PGS1: variants seen among roughly 807,000 people sequenced by gnomAD.
PGS1 encodes phosphatidylglycerophosphate synthase 1.
A neutral mutation model predicts 58.3 loss-of-function variants in PGS1; 44 were observed. The observed-to-expected ratio is 0.75, with a 90% CI of 0.59 to 0.97. The LOEUF (loss-of-function observed/expected upper bound fraction) is 0.97. Ranked by LOEUF, PGS1 falls within the 50% of genes least tolerant of loss-of-function variation. The pLI is 0.00. For missense variants in PGS1, 684 were observed against 731.1 expected, an observed-to-expected ratio of 0.94 and a Z score of 0.74; for synonymous variants, 330 against 311.0, an observed-to-expected ratio of 1.06 and a Z score of -0.64.
intron 9 of PGS1, among the ~76,000 whole-genome samples, chr17:78,423,377 G>C (rs2086120946): frequency 6.6e-6 from 1 of 152,160 alleles, no homozygotes. Flanking sequence ...ACTTGTAAAA[G>C]GTCCTGTTGT....
intron 9 of PGS1, chr17:78,420,269 A>C: frequency 2.1e-6 from 2 of 972,978 alleles, no homozygotes; most frequent in Non-Finnish European, 2.4e-6. Context: ...CTGCCCACCC[A>C]GGAGGGGCCT....
chr17:78,399,681 C>T, intron 5 of PGS1, 144 bp downstream of exon 5: 2 of 741,934 alleles, frequency 2.7e-6, no homozygotes, highest in Non-Finnish European at 4.4e-6. Flanking sequence ...CGGCACCTCC[C>T]CGACACTGTC....
rs372097158 is a variant in PGS1 at position 78,414,959 on chromosome 17, C to T, written c.1483C>T (p.His495Tyr). ...GSPNFGYRSV[H>Y]RDLEAQIAIV... ...TCCTAATTTTGGGTACAGGTCAGTT[C>T]ACCGGGACCTGGAGGCCCAGATTGC... Residue 495 changes from histidine (H) to tyrosine (Y), a missense_variant, in exon 8 of 10, where the codon CAC becomes TAC. His to Tyr is a moderately conservative substitution (Grantham distance 83). Transcript: ENST00000262764. The T allele has an allele frequency of 6.2e-7, 1 of 1,613,886 alleles. No homozygotes were observed. Among genetic ancestry groups the T allele is most frequent in the African/African-American group, 1.3e-5 (1 of 75,044 alleles).
intron 7 of PGS1, among the ~76,000 whole-genome samples, chr17:78,405,148 C>A (rs567203564): frequency 6.0e-5 from 9 of 150,234 alleles, no homozygotes; most frequent in African/African-American, 2.2e-4. Flanking sequence ...CAGGCATGCA[C>A]CATTACGCCT....
intron 2 of PGS1, among the ~76,000 whole-genome samples, chr17:78,395,334 C>T (rs916651070): frequency 6.6e-6 from 1 of 152,184 alleles, no homozygotes; most frequent in Non-Finnish European, 1.5e-5. Flanking sequence ...GAAATAGCAA[C>T]CTTGGGAAGT....
At chr17:78,406,122 C>T (rs904055547) in intron 7 of PGS1, among the ~76,000 whole-genome samples, 37 of 152,126 alleles carry the variant, frequency 2.4e-4, no homozygotes, top group African/African-American at 8.9e-4. Context: ...CCAGACCATT[C>T]TGGCTAACAC....
At chr17:78,401,516 C>G (rs1351668985) in intron 6 of PGS1, among the ~76,000 whole-genome samples, 2 of 152,232 alleles carry the variant, frequency 1.3e-5, no homozygotes, top group East Asian at 3.8e-4. Flanking sequence ...TGTGGCTCCC[C>G]CATGGCCTTT....
intron 7 of PGS1, among the ~76,000 whole-genome samples, chr17:78,405,547 T>C: frequency 6.6e-6 from 1 of 152,178 alleles, no homozygotes; most frequent in East Asian, 1.9e-4. Context: ...GCAGCCGAAA[T>C]GGGGCAGAAT....
intron 2 of PGS1, among the ~76,000 whole-genome samples, chr17:78,394,894 A>T (rs137877295): frequency 3.3e-5 from 5 of 152,310 alleles, no homozygotes; most frequent in Admixed American, 2.6e-4. Context: ...TCTCTGTCCT[A>T]ATTGACTCTG....
chr17:78,412,086 T>A (rs754725277), intron 7 of PGS1, among the ~76,000 whole-genome samples: 1 of 151,950 alleles, frequency 6.6e-6, no homozygotes, highest in Non-Finnish European at 1.5e-5. Context: ...TAAAACTGAC[T>A]TGTGAGCTGA....
At chr17:78,378,886 A>G (rs991361024) in intron 1 of PGS1, 78 bp downstream of exon 1, 75 of 1,324,144 alleles carry the variant, frequency 5.7e-5, no homozygotes, top group Middle Eastern at 2.8e-4. Context: ...TCCCGGCCCC[A>G]GCGTCCTGGG....
chr17:78,398,112 G>A lies in PGS1; in HGVS notation c.412-140G>A, dbSNP rs564198906. 5.3e-6 allele frequency: 4 copies of A among 749,890 alleles called. No homozygotes were observed. In the East Asian group the frequency reaches 1.0e-4, roughly 19 times the overall value. The allele number at this position is 749,890 out of a possible 1,614,324, so 46.5% of individuals were successfully genotyped here. On this transcript the variant is annotated intron_variant, in intron 3 of 9. Transcript: ENST00000262764. ...CTCTCAGACAGATAGCTTTTGTGGT[G>A]TTGGTGTCCGAGTGCTGATGGCACA... is the stretch of plus-strand genomic sequence containing the variant.
intron 9 of PGS1, among the ~76,000 whole-genome samples, chr17:78,422,699 C>T (rs1378894707): frequency 6.6e-6 from 1 of 152,054 alleles, no homozygotes; most frequent in Non-Finnish European, 1.5e-5. Context: ...ATGGTTTTGC[C>T]ACGTTGCCCA....
intron 8 of PGS1, among the ~76,000 whole-genome samples, chr17:78,418,406 C>G (rs570103087): frequency 6.6e-6 from 1 of 152,298 alleles, no homozygotes; most frequent in African/African-American, 2.4e-5. Flanking sequence ...CTTTAAGCAT[C>G]AGATGACGAT....
Position 78,414,880 on chromosome 17 carries a change from C to T in PGS1, c.1404C>T (p.Gly468=), listed in dbSNP as rs1159387244. Residue 468 remains glycine, a splice_region_variant and synonymous_variant, in exon 8 of 10, where the codon GGC becomes GGT. Coordinates refer to ENST00000262764, the MANE Select transcript of PGS1 (RefSeq NM_024419.5). ...WRRGWTFHAK[G]LWLYLAGSSL... ...CTGCACGTTTCCTTTTCCCCGCAGGCCTCTGGCTGTACCTGGCAGGGAGCA... is the reference window on the plus strand; with the variant it reads ...CTGCACGTTTCCTTTTCCCCGCAGGTCTCTGGCTGTACCTGGCAGGGAGCA... 2 of 1,614,078 alleles carry T rather than the reference C, an allele frequency of 1.2e-6. No individual in the cohort carries two copies.
intron 1 of PGS1, among the ~76,000 whole-genome samples, chr17:78,388,293 C>T (rs1242637310): frequency 1.3e-5 from 2 of 152,164 alleles, no homozygotes; most frequent in Non-Finnish European, 2.9e-5. Flanking sequence ...GCAGGTAGGA[C>T]GGAGGTGATA....
In PGS1 at chr17:78,403,925, C is replaced by G. The variant is rs762580901; in HGVS notation, c.1238C>G (p.Pro413Arg). The G allele has an allele frequency of 5.0e-6, 8 of 1,614,240 alleles. No homozygotes were observed. The highest frequency in any genetic ancestry group is 5.9e-6 in the Non-Finnish European group (7 of 1,180,030). ...GAGTACCAGATCCTGCTGGCCTCAC[C>G]AGAGGTGAATGGCTTCTTTGGGGCC... ...RAEYQILLAS[P>R]EVNGFFGAKG... The change falls in exon 7 of 10, where the codon CCA (proline) becomes CGA (arginine). Residue 413 changes from proline to arginine, a missense_variant. By Grantham distance (103) the Pro-to-Arg change is moderately radical. Transcript: ENST00000262764.
intron 1 of PGS1, among the ~76,000 whole-genome samples, chr17:78,381,858 A>G (rs995810837): frequency 6.6e-6 from 1 of 152,080 alleles, no homozygotes; most frequent in African/African-American, 2.4e-5. Context: ...CTAGCATCTG[A>G]CTCATTATCA....
At chr17:78,397,804 A>G (rs1224577207) in intron 3 of PGS1, among the ~76,000 whole-genome samples, 1 of 152,224 alleles carries the variant, frequency 6.6e-6, no homozygotes, top group African/African-American at 2.4e-5. Flanking sequence ...ATGGGAGAAG[A>G]ATGGAATGTC....
Sources: allele counts gnomAD v4.1 joint callset (sites outside exome capture counted in the v4.1 genomes callset), GRCh38; gene constraint gnomAD v4.1.1; transcripts MANE v1.5; gene names NCBI Gene and HGNC (gene_info 2026-07-23, HGNC 2026-07-21).